Variants in FAR2 observed in about 807,000 individuals in gnomAD.
FAR2 encodes the protein fatty acyl-CoA reductase 2, also known as epididymis secretory protein Li 81.
FAR2 carries 19 observed loss-of-function variants against 56.0 expected under a neutral mutation model. The ratio of observed to expected loss-of-function variants is 0.34; its 90% CI spans 0.24 to 0.50. The LOEUF (loss-of-function observed/expected upper bound fraction) is 0.50. FAR2 is among the 20% of genes least tolerant of loss of function. FAR2 has a pLI of 0.98. For synonymous variants in FAR2, 219 were observed against 218.8 expected (o/e 1.00, Z -0.01); for missense variants, 508 against 642.2 (o/e 0.79, Z 2.26).
chr12:29,331,842 T>C (rs1355216225), intron 10 of FAR2: 1 of 152,196 alleles, frequency 6.6e-6, no homozygotes, highest in Non-Finnish European at 1.5e-5. Flanking sequence ...AAATCTTTAC[T>C]CCAGCTTTTC....
chr12:29,274,778 G>A (rs531866917), intron 2 of FAR2, among the ~76,000 whole-genome samples: 46 of 143,766 alleles, frequency 3.2e-4, no homozygotes, highest in African/African-American at 9.2e-4. Flanking sequence ...ACTCCTGCCC[G>A]CCAGAGAACA....
At chr12:29,201,902 A>T (rs1275162308) in intron 1 of FAR2, among the ~76,000 whole-genome samples, 3 of 152,190 alleles carry the variant, frequency 2.0e-5, no homozygotes, top group Non-Finnish European at 2.9e-5. Context: ...AGAAAGTTTT[A>T]TTGGACAGCA....
intron 2 of FAR2, among the ~76,000 whole-genome samples, chr12:29,273,220 C>T (rs866323292): frequency 4.6e-5 from 7 of 152,306 alleles, no homozygotes; most frequent in Non-Finnish European, 7.4e-5. Context: ...TGCCCTGATT[C>T]CTCAGAACTA....
At chr12:29,194,536 C>CACACAT (rs1483474988) in intron 1 of FAR2, among the ~76,000 whole-genome samples, 1 of 151,362 alleles carries the variant, frequency 6.6e-6, no homozygotes, top group East Asian at 1.9e-4. Context: ...CACACACACA[C>CACACAT]ACACACACAC....
intron 4 of FAR2, among the ~76,000 whole-genome samples, chr12:29,300,637 T>C (rs1020867515): frequency 1.6e-4 from 25 of 151,880 alleles, no homozygotes; most frequent in African/African-American, 5.6e-4. Context: ...AAAGTTGTTG[T>C]TGTTGTTGTT....
chr12:29,183,624 T>C (rs989807566), intron 1 of FAR2, among the ~76,000 whole-genome samples: 1 of 152,234 alleles, frequency 6.6e-6, no homozygotes, highest in Non-Finnish European at 1.5e-5. Context: ...TGCATCTTTT[T>C]CCAATAAATA....
intron 1 of FAR2, among the ~76,000 whole-genome samples, chr12:29,223,090 C>T (rs1400739399): frequency 6.6e-6 from 1 of 152,168 alleles, no homozygotes; most frequent in Non-Finnish European, 1.5e-5. Flanking sequence ...GTCCTCCCAA[C>T]AGTCTATTGG....
chr12:29,183,328 T>C (rs1950009829), intron 1 of FAR2, among the ~76,000 whole-genome samples: 1 of 152,140 alleles, frequency 6.6e-6, no homozygotes, highest in African/African-American at 2.4e-5. Context: ...TTCCTCCCCT[T>C]TCAATTATTA....
intron 8 of FAR2, among the ~76,000 whole-genome samples, chr12:29,315,058 C>T (rs1444247905): frequency 6.6e-6 from 1 of 152,036 alleles, no homozygotes; most frequent in Non-Finnish European, 1.5e-5. Context: ...GAGAAATATA[C>T]ATCAGATATG....
chr12:29,299,256 GAAGT>G (rs1408051139), intron 4 of FAR2, among the ~76,000 whole-genome samples: 2 of 138,942 alleles, frequency 1.4e-5, no homozygotes, highest in South Asian at 2.4e-4. Context: ...GAAAAGAAAA[GAAGT>G]AAGAGTTCAC....
At chr12:29,199,517 G>A (rs7956130) in intron 1 of FAR2, among the ~76,000 whole-genome samples, 110,514 of 149,744 alleles carry the variant, frequency 0.74, 42,790 homozygotes, top group East Asian at 0.9. Context: ...GGAGAATGGC[G>A]TGAACCCGGG....
intron 2 of FAR2, among the ~76,000 whole-genome samples, chr12:29,274,818 C>T (rs1316869365): frequency 6.9e-6 from 1 of 145,216 alleles, no homozygotes; most frequent in African/African-American, 2.8e-5. Context: ...CTACCCAAAT[C>T]CTATAAAACG....
At chr12:29,331,186 G>A (rs200692397) in intron 10 of FAR2, among the ~76,000 whole-genome samples, 18 of 149,842 alleles carry the variant, frequency 1.2e-4, no homozygotes, top group East Asian at 3.9e-4. Context: ...TTCACTGTAC[G>A]TGAAACTCTC....
intron 1 of FAR2, among the ~76,000 whole-genome samples, chr12:29,195,738 G>T (rs1253675169): frequency 6.6e-6 from 1 of 152,086 alleles, no homozygotes; most frequent in African/African-American, 2.4e-5. Context: ...GAGTGCCAGT[G>T]CACTCCTTTC....
chr12:29,324,950 C>T (rs1949620237), intron 10 of FAR2, among the ~76,000 whole-genome samples: 1 of 152,132 alleles, frequency 6.6e-6, no homozygotes, highest in Admixed American at 6.5e-5. Flanking sequence ...AAGGCACAGA[C>T]TGGCAAATTG....
intron 6 of FAR2, 112 bp from the exon 7 acceptor site, chr12:29,310,916 T>C (rs1308838140): frequency 2.6e-6 from 2 of 782,262 alleles, no homozygotes; most frequent in African/African-American, 1.7e-5. Context: ...AGTGGATCAA[T>C]GTTAGCTGTT....
At chr12:29,282,682 T>C (rs1006410) in intron 2 of FAR2, among the ~76,000 whole-genome samples, 100,479 of 151,930 alleles carry the variant, frequency 0.66, 34,286 homozygotes, top group African/African-American at 0.83. Flanking sequence ...GGAAATGTGA[T>C]CAAAAGGACA....
intron 1 of FAR2, among the ~76,000 whole-genome samples, chr12:29,226,730 G>C (rs1947775261): frequency 6.6e-6 from 1 of 152,008 alleles, no homozygotes; most frequent in Non-Finnish European, 1.5e-5. Flanking sequence ...TCCCATCCTG[G>C]TTTAAAGCCT....
rs1322919248 is a variant in FAR2, at chr12:29,264,656, TAAAG to T, written c.-38-5755_-38-5752del. ...ATAAATAAATAAATAAATAAATAAA[TAAAG>T]GAGAGAGAGAGAGAGGAGGAGAGGG... On this transcript the variant is annotated intron_variant, in intron 1 of 11. Transcript: ENST00000536681. Among the ~76,000 whole-genome samples the T allele has an allele frequency of 6.0e-5, 6 of 100,506 alleles. No individual in the cohort carries two copies. The East Asian group carries it at 1.7e-3, about 29-fold the overall frequency. The allele number at this position is 100,506 out of a possible 152,430, so 65.9% of individuals were successfully genotyped here.
Sources: allele counts gnomAD v4.1 joint callset (sites outside exome capture counted in the v4.1 genomes callset), GRCh38; gene constraint gnomAD v4.1.1; transcripts MANE v1.5; gene names NCBI Gene and HGNC (gene_info 2026-07-23, HGNC 2026-07-21).